TUSC3: variants seen among roughly 807,000 people sequenced by gnomAD.
TUSC3 encodes the protein tumor suppressor candidate 3, also known as dolichyl-diphosphooligosaccharide--protein glycosyltransferase subunit TUSC3.
Under a neutral mutation model 44.8 loss-of-function variants are expected in TUSC3, and 45 were observed. The ratio of observed to expected loss-of-function variants is 1.00; its 90% CI spans 0.79 to 1.29. TUSC3 has a LOEUF of 1.29. Ranked by LOEUF, TUSC3 falls within the 50% of genes most tolerant of loss-of-function variation. The pLI, the probability that TUSC3 is intolerant of heterozygous loss-of-function variation, is 0.00. For missense variants in TUSC3, 519 were observed against 437.9 expected (o/e 1.19, Z -1.65); for synonymous variants, 212 against 152.9 (o/e 1.39, Z -2.85).
At chr8:15,744,589 T>A (rs2129215169) in intron 8 of TUSC3, among the ~76,000 whole-genome samples, 1 of 152,274 alleles carries the variant, frequency 6.6e-6, no homozygotes, top group Non-Finnish European at 1.5e-5. Context: ...CAAATCATAG[T>A]GCTTTCTAAA....
intron 1 of TUSC3, among the ~76,000 whole-genome samples, chr8:15,592,858 G>T (rs1803909267): frequency 6.6e-6 from 1 of 151,990 alleles, no homozygotes; most frequent in African/African-American, 2.4e-5. Flanking sequence ...GGAAAACGAG[G>T]CAGGATGAAT....
chr8:15,448,450 A>G (rs1231615626), intron 1 of TUSC3, among the ~76,000 whole-genome samples: 1 of 152,056 alleles, frequency 6.6e-6, no homozygotes, highest in Non-Finnish European at 1.5e-5. Flanking sequence ...TAAAAGGTGA[A>G]ATGCATGTAT....
At chr8:15,516,120 G>C (rs574746017) in intron 2 of TUSC3, among the ~76,000 whole-genome samples, 1 of 152,276 alleles carries the variant, frequency 6.6e-6, no homozygotes. Context: ...GTTACTCATT[G>C]TTAATGACTT....
At chr8:15,615,342 T>C (rs1804943407) in intron 1 of TUSC3, among the ~76,000 whole-genome samples, 1 of 152,186 alleles carries the variant, frequency 6.6e-6, no homozygotes, top group Admixed American at 6.5e-5. Context: ...TTGTGTTAAA[T>C]GAAGTAAGTC....
chr8:15,744,178 C>G (rs1006542444), intron 8 of TUSC3, among the ~76,000 whole-genome samples: 5 of 152,294 alleles, frequency 3.3e-5, no homozygotes, highest in African/African-American at 1.2e-4. Flanking sequence ...ACAACTCCCT[C>G]AAGTTCTCCG....
chr8:15,616,487 G>T (rs1585156777), intron 1 of TUSC3, among the ~76,000 whole-genome samples: 1 of 152,352 alleles, frequency 6.6e-6, no homozygotes, highest in East Asian at 1.9e-4. Flanking sequence ...TGAGGCTGGA[G>T]AATCGTTTGA....
chr8:15,586,650 A>G (rs780653274), intron 1 of TUSC3, among the ~76,000 whole-genome samples: 4 of 152,162 alleles, frequency 2.6e-5, no homozygotes, highest in South Asian at 2.1e-4. Flanking sequence ...TTAATGCAAC[A>G]TGGTTTTAAT....
the TUSC3 span, among the ~76,000 whole-genome samples, chr8:15,828,922 C>G: frequency 6.6e-6 from 1 of 152,122 alleles, no homozygotes; most frequent in African/African-American, 2.4e-5. Flanking sequence ...AAAGAAAATA[C>G]ATGAATCCAT....
chr8:15,473,805 A>C (rs1800531527), intron 1 of TUSC3, among the ~76,000 whole-genome samples: 1 of 152,152 alleles, frequency 6.6e-6, no homozygotes, highest in Non-Finnish European at 1.5e-5. Flanking sequence ...GGCAAAACAG[A>C]ACTACTGATA....
intron 2 of TUSC3, among the ~76,000 whole-genome samples, chr8:15,523,412 C>A (rs1031322236): frequency 6.6e-6 from 1 of 152,038 alleles, no homozygotes; most frequent in African/African-American, 2.4e-5. Context: ...TTTTTACTTT[C>A]TCCTTACATG....
In TUSC3 at chr8:15,765,996, C is replaced by G. The variant is rs929743645; in HGVS notation, c.*1840C>G. 2 of 152,182 alleles carry G rather than the reference C, an allele frequency of 1.3e-5. No individual in the cohort carries two copies. Among genetic ancestry groups the G allele is most frequent in the Middle Eastern group, 3.4e-3 (1 of 296 alleles). The allele number at this position is 152,182 out of a possible 1,614,324, so 9.4% of individuals were successfully genotyped here. Reference sequence around the variant, plus strand: ...TGATATTACAAATTATCTCTAATCTCACTGTAAATCTTTTAATCATATCAA... The same window carrying G: ...TGATATTACAAATTATCTCTAATCTGACTGTAAATCTTTTAATCATATCAA... On this transcript the variant is annotated 3_prime_UTR_variant, in exon 11 of 11. Coordinates refer to ENST00000503731, the MANE Select transcript of TUSC3 (RefSeq NM_006765.4).
chr8:15,573,718 T>C lies in TUSC3; in HGVS notation c.138+33150T>C, dbSNP rs949113584. Among the ~76,000 whole-genome samples, 4 of 152,014 alleles carry C rather than the reference T, an allele frequency of 2.6e-5. No homozygotes were observed. The East Asian group carries it at 7.7e-4, about 29-fold the overall frequency. ...AGGAGATACAGCTTTATTATTCTGG[T>C]GAGGAAACAAAACAAATCTGTCTTC... is the stretch of plus-strand genomic sequence containing the variant. On this transcript the variant is annotated intron_variant, in intron 1 of 10. Coordinates refer to ENST00000503731, the MANE Select transcript of TUSC3 (RefSeq NM_006765.4).
the TUSC3 span, among the ~76,000 whole-genome samples, chr8:15,825,310 G>T: frequency 6.6e-6 from 1 of 152,178 alleles, no homozygotes; most frequent in Non-Finnish European, 1.5e-5. Context: ...CATGGCTGGG[G>T]AGACCTCACA....
chr8:15,452,566 T>C (rs931210323), intron 1 of TUSC3, among the ~76,000 whole-genome samples: 3 of 152,014 alleles, frequency 2.0e-5, no homozygotes, highest in Admixed American at 6.6e-5. Flanking sequence ...GCCAAGCTAG[T>C]GGGAGGAGGG....
At position 15,433,650 on chromosome 8, in the gene TUSC3, C is replaced by G. The variant is rs529941599; in HGVS notation, n.91+16345C>G. On this transcript the variant is annotated intron_variant and non_coding_transcript_variant, in intron 1 of 5. Transcript: ENST00000503191. ...TTCCTCTGATCTTTACTCTGCCACT[C>G]TAGATTAATTTGTCACTTGCAGAAT... is the stretch of plus-strand genomic sequence containing the variant. 1.6e-4 allele frequency among the ~76,000 whole-genome samples: 24 copies of G among 152,202 alleles called. 1 individual carries two copies. The highest frequency in any genetic ancestry group is 4.6e-4 in the African/African-American group (19 of 41,548).
chr8:15,806,084 A>T, the TUSC3 span: 1 of 302,750 alleles, frequency 3.3e-6, no homozygotes, highest in Non-Finnish European at 6.6e-6. Flanking sequence ...TAAAAGGTTC[A>T]ACAAAGCTGA....
intron 3 of TUSC3, 81 bp downstream of exon 3, chr8:15,650,895 T>A (rs545748446): frequency 5.6e-6 from 8 of 1,437,292 alleles, no homozygotes; most frequent in African/African-American, 1.4e-5. Context: ...AAAAATACAA[T>A]TCATTCATCG....
the TUSC3 span, among the ~76,000 whole-genome samples, chr8:15,795,705 C>T: frequency 6.6e-6 from 1 of 152,176 alleles, no homozygotes; most frequent in Non-Finnish European, 1.5e-5. Context: ...GTTGGAGTGC[C>T]CCAGGTAGTA....
chr8:15,592,150 A>G (rs1004609894), intron 1 of TUSC3, among the ~76,000 whole-genome samples: 9 of 152,310 alleles, frequency 5.9e-5, no homozygotes, highest in Admixed American at 4.6e-4. Context: ...CTTGACTTGA[A>G]TAGTTGTTTT....
Sources: allele counts gnomAD v4.1 joint callset (sites outside exome capture counted in the v4.1 genomes callset), GRCh38; gene constraint gnomAD v4.1.1; transcripts MANE v1.5; gene names NCBI Gene and HGNC (gene_info 2026-07-23, HGNC 2026-07-21).